The following PPP2R5E variants were observed in gnomAD, a reference collection of about 807,000 sequenced individuals.
PPP2R5E encodes the protein protein phosphatase 2 regulatory subunit B'epsilon, also known as serine/threonine-protein phosphatase 2A 56 kDa regulatory subunit epsilon isoform.
PPP2R5E carries 4 observed loss-of-function variants against 65.3 expected under a neutral mutation model. The ratio of observed to expected loss-of-function variants is 0.06; its 90% CI spans 0.03 to 0.14. The LOEUF is 0.14. Ranked by LOEUF, PPP2R5E falls within the 10% of genes least tolerant of loss-of-function variation. PPP2R5E has a pLI of 1.00. For missense variants in PPP2R5E, 274 were observed against 556.1 expected, an observed-to-expected ratio of 0.49 and a Z score of 5.10; for synonymous variants, 183 against 187.4, an observed-to-expected ratio of 0.98 and a Z score of 0.19.
At chr14:63,510,672 G>A (rs1892415406) in intron 2 of PPP2R5E, among the ~76,000 whole-genome samples, 1 of 152,220 alleles carries the variant, frequency 6.6e-6, no homozygotes, top group South Asian at 2.1e-4. Context: ...CAAGGAGGGA[G>A]TGTGGCTAAA....
intron 2 of PPP2R5E, among the ~76,000 whole-genome samples, chr14:63,491,409 G>A (rs567704074): frequency 2.6e-5 from 4 of 152,056 alleles, no homozygotes; most frequent in African/African-American, 9.6e-5. Flanking sequence ...AGTCCTTATT[G>A]AGATATGCTG....
In PPP2R5E at chr14:63,392,210, T is replaced by G. The variant is rs559195536; in HGVS notation, c.850-185A>C. ...GAAACTACTTTTTCAAGCCAAAGAC[T>G]AATATTAACAAGGCTCCAGGGAACT... On this transcript the variant is annotated intron_variant, in intron 8 of 13. Coordinates refer to ENST00000337537, the MANE Select transcript of PPP2R5E (RefSeq NM_006246.5). Among the ~76,000 whole-genome samples, 137 of 152,320 alleles carry G rather than the reference T, an allele frequency of 9.0e-4. 1 individual carries two copies. Among genetic ancestry groups the G allele is most frequent in the African/African-American group, 3.2e-3 (132 of 41,572 alleles).
intron 5 of PPP2R5E, among the ~76,000 whole-genome samples, chr14:63,414,367 T>C (rs1346410701): frequency 6.6e-6 from 1 of 152,166 alleles, no homozygotes; most frequent in Non-Finnish European, 1.5e-5. Context: ...AAATTCTTCT[T>C]ACCGGCTTAC....
At chr14:63,450,887 C>A (rs1888788111) in intron 3 of PPP2R5E, among the ~76,000 whole-genome samples, 1 of 151,718 alleles carries the variant, frequency 6.6e-6, no homozygotes, top group Non-Finnish European at 1.5e-5. Context: ...ACAATAGTAG[C>A]ACTTTAAGTC....
chr14:63,407,037 G>A (rs6573514), intron 5 of PPP2R5E, among the ~76,000 whole-genome samples: 13,816 of 152,158 alleles, frequency 0.091, 798 homozygotes, highest in African/African-American at 0.13. Flanking sequence ...CCAGCATAAC[G>A]TTTACTGAAT....
At chr14:63,536,166 C>CA (rs1028445599) in intron 2 of PPP2R5E, among the ~76,000 whole-genome samples, 26 of 152,184 alleles carry the variant, frequency 1.7e-4, no homozygotes, top group African/African-American at 5.5e-4. Context: ...TATACAAGTT[C>CA]AAAAAATCAC....
At chr14:63,527,428 C>T (rs567533342) in intron 2 of PPP2R5E, among the ~76,000 whole-genome samples, 2 of 152,198 alleles carry the variant, frequency 1.3e-5, no homozygotes, top group Non-Finnish European at 1.5e-5. Context: ...ATCCATGTAA[C>T]GTGTTAAAGG....
intron 10 of PPP2R5E, among the ~76,000 whole-genome samples, chr14:63,391,401 CTTTGTTTTGT>C (rs10681833): frequency 1.2e-3 from 169 of 143,270 alleles, no homozygotes; most frequent in African/African-American, 2.6e-3. Context: ...TGCAGTTTTG[CTTTGTTTTGT>C]TTTGTTTTGT....
At chr14:63,518,914 A>G (rs1320878199) in intron 2 of PPP2R5E, among the ~76,000 whole-genome samples, 1 of 151,844 alleles carries the variant, frequency 6.6e-6, no homozygotes, top group Non-Finnish European at 1.5e-5. Flanking sequence ...AATTAAAAAT[A>G]AAAAAATAAA....
chr14:63,416,200 G>A (rs991386099), intron 4 of PPP2R5E, among the ~76,000 whole-genome samples: 1 of 152,234 alleles, frequency 6.6e-6, no homozygotes, highest in Admixed American at 6.5e-5. Flanking sequence ...TGCGCCTGCA[G>A]TCTCAGCTAC....
chr14:63,464,706 T>C (rs548966602), intron 2 of PPP2R5E, among the ~76,000 whole-genome samples: 1 of 152,220 alleles, frequency 6.6e-6, no homozygotes, highest in African/African-American at 2.4e-5. Flanking sequence ...TGAGCATTAG[T>C]TTCCTTGCAT....
intron 2 of PPP2R5E, among the ~76,000 whole-genome samples, chr14:63,502,795 T>C (rs1891955249): frequency 6.6e-6 from 1 of 152,144 alleles, no homozygotes; most frequent in Admixed American, 6.5e-5. Flanking sequence ...TAGAAAACTA[T>C]CAGAAAAAGG....
chr14:63,493,484 G>A (rs992495172), intron 2 of PPP2R5E, among the ~76,000 whole-genome samples: 3 of 78,668 alleles, frequency 3.8e-5, no homozygotes, highest in African/African-American at 9.3e-5. Context: ...CCGCGCGCGC[G>A]TGTGTGTGTG....
intron 10 of PPP2R5E, among the ~76,000 whole-genome samples, chr14:63,391,431 T>C (rs1205951324): frequency 6.6e-6 from 1 of 152,012 alleles, no homozygotes; most frequent in African/African-American, 2.4e-5. Context: ...TTTTGTTTTG[T>C]TTTGTTTTTG....
chr14:63,453,599 C>A (rs1315759193), intron 3 of PPP2R5E, 90 bp downstream of exon 3: 1 of 1,279,492 alleles, frequency 7.8e-7, no homozygotes, highest in East Asian at 2.3e-5. Context: ...GTGGAGTTGA[C>A]CTCCAATGAC....
intron 12 of PPP2R5E, among the ~76,000 whole-genome samples, chr14:63,384,169 C>A (rs1436953716): frequency 6.6e-6 from 1 of 152,156 alleles, no homozygotes; most frequent in African/African-American, 2.4e-5. Flanking sequence ...CTGTCAGTAT[C>A]TACACACCTC....
intron 3 of PPP2R5E, among the ~76,000 whole-genome samples, chr14:63,442,481 G>A (rs1888282837): frequency 1.3e-5 from 2 of 151,278 alleles, no homozygotes; most frequent in Non-Finnish European, 2.9e-5. Context: ...TGGCCAGGAT[G>A]TATACAGTAG....
chr14:63,501,055 C>T (rs1361806387), intron 2 of PPP2R5E, among the ~76,000 whole-genome samples: 1 of 152,090 alleles, frequency 6.6e-6, no homozygotes, highest in African/African-American at 2.4e-5. Flanking sequence ...AATTAAATGA[C>T]AAGTCCACAG....
At chr14:63,485,135 C>A (rs1426482171) in intron 2 of PPP2R5E, among the ~76,000 whole-genome samples, 2 of 147,370 alleles carry the variant, frequency 1.4e-5, no homozygotes, top group African/African-American at 5.0e-5. Context: ...ACATCAATTT[C>A]TTTTACAGAA....
Sources: gnomAD v4.1 joint callset for allele counts (sites outside exome capture counted in the v4.1 genomes callset) on GRCh38, gnomAD v4.1.1 for gene constraint, MANE v1.5 for transcripts, NCBI Gene and HGNC (gene_info 2026-07-23, HGNC 2026-07-21) for gene names.